HOOK3: variants seen among roughly 807,000 people sequenced by gnomAD.
The protein encoded by HOOK3 is protein Hook homolog 3.
HOOK3 carries 24 observed loss-of-function variants against 116.3 expected under a neutral mutation model. The observed-to-expected ratio is 0.21, with a 90% CI of 0.15 to 0.29. The LOEUF (loss-of-function observed/expected upper bound fraction) is 0.29, where lower values mean the gene tolerates loss of function less well. Ranked by LOEUF, HOOK3 falls within the 10% of genes least tolerant of loss-of-function variation. HOOK3 has a pLI of 1.00. For synonymous variants in HOOK3, 275 were observed against 283.0 expected (o/e 0.97, Z 0.28); for missense variants, 632 against 830.2 (o/e 0.76, Z 2.93).
intron 4 of HOOK3, among the ~76,000 whole-genome samples, chr8:42,935,500 C>T (rs2130371906): frequency 1.3e-5 from 2 of 152,218 alleles, no homozygotes; most frequent in South Asian, 4.2e-4. Flanking sequence ...CCTAGGTTTT[C>T]TTCTAGGGTT....
intron 2 of HOOK3, among the ~76,000 whole-genome samples, chr8:42,906,639 A>G (rs574267171): frequency 1.3e-5 from 2 of 152,312 alleles, no homozygotes; most frequent in East Asian, 3.9e-4. Flanking sequence ...CATATAAAAT[A>G]GCAACGACAA....
At chr8:42,912,709 C>T (rs1451388316) in intron 2 of HOOK3, among the ~76,000 whole-genome samples, 4 of 151,910 alleles carry the variant, frequency 2.6e-5, no homozygotes, top group Non-Finnish European at 5.9e-5. Flanking sequence ...TGCCTTCCCC[C>T]ACCACAATGG....
chr8:43,002,210 C>T (rs1266365721), intron 17 of HOOK3, 69 bp downstream of exon 17: 8 of 1,213,290 alleles, frequency 6.6e-6, no homozygotes, highest in African/African-American at 3.0e-5. Context: ...TAGGTAGTTA[C>T]GGTGTGTCTG....
At chr8:42,908,470 C>T (rs957608592) in intron 2 of HOOK3, among the ~76,000 whole-genome samples, 2 of 152,166 alleles carry the variant, frequency 1.3e-5, no homozygotes, top group Non-Finnish European at 2.9e-5. Flanking sequence ...ACACAATGAC[C>T]AGTGGAACAG....
At chr8:42,991,744 T>A (rs1809164881) in intron 15 of HOOK3, among the ~76,000 whole-genome samples, 1 of 151,998 alleles carries the variant, frequency 6.6e-6, no homozygotes, top group African/African-American at 2.4e-5. Context: ...CTGAGTACTT[T>A]GTTTTTGTTT....
chr8:42,946,238 G>A (rs1004148304), intron 5 of HOOK3, among the ~76,000 whole-genome samples: 7 of 152,312 alleles, frequency 4.6e-5, no homozygotes, highest in African/African-American at 1.7e-4. Flanking sequence ...TGAACGCAGA[G>A]GTGAGTGTTC....
At chr8:42,941,472 C>T (rs1023239429) in intron 4 of HOOK3, among the ~76,000 whole-genome samples, 6 of 144,132 alleles carry the variant, frequency 4.2e-5, no homozygotes, top group African/African-American at 1.3e-4. Flanking sequence ...GAGCCAAGGT[C>T]GCGCCACTGC....
At position 42,897,103 on chromosome 8, in the gene HOOK3, G is replaced by T; in HGVS notation, c.-29G>T. On this transcript the variant is annotated 5_prime_UTR_variant, in exon 1 of 22. Coordinates refer to ENST00000307602, the MANE Select transcript of HOOK3 (RefSeq NM_032410.4). ...AGCGGCGGCGGTGTCTGGCCAGGCG[G>T]TAGGCGCTGCCTGGCCGCGGCGGGG... is the stretch of plus-strand genomic sequence containing the variant. The T allele has an allele frequency of 2.4e-6, 3 of 1,241,458 alleles. No homozygotes were observed. The highest frequency in any genetic ancestry group is 3.0e-6 in the Non-Finnish European group (3 of 988,380). 76.9% of individuals were successfully genotyped at this position (1,241,458 alleles called of 1,614,324 possible).
chr8:42,958,302 C>T (rs759654559), intron 7 of HOOK3, among the ~76,000 whole-genome samples: 12 of 152,006 alleles, frequency 7.9e-5, no homozygotes, highest in Non-Finnish European at 1.6e-4. Flanking sequence ...GCAATTTTAA[C>T]CCAAGCTTTA....
chr8:42,980,599 A>G (rs898670821), intron 13 of HOOK3, among the ~76,000 whole-genome samples: 2 of 152,052 alleles, frequency 1.3e-5, no homozygotes, highest in African/African-American at 4.8e-5. Flanking sequence ...GCTTTATAAG[A>G]AAAAGAGGGC....
intron 6 of HOOK3, among the ~76,000 whole-genome samples, chr8:42,950,907 G>C (rs576901124): frequency 2.4e-4 from 37 of 152,118 alleles, no homozygotes; most frequent in African/African-American, 8.7e-4. Context: ...GAATGGTCTC[G>C]ATCTCCTGAC....
intron 19 of HOOK3, 26 bp downstream of exon 19, chr8:43,010,431 C>A: frequency 2.3e-6 from 2 of 877,070 alleles, no homozygotes; most frequent in South Asian, 3.9e-5. Flanking sequence ...GTAGGCATCT[C>A]ACTCTACCTT....
intron 6 of HOOK3, among the ~76,000 whole-genome samples, chr8:42,956,157 G>A (rs1808429661): frequency 6.6e-6 from 1 of 151,616 alleles, no homozygotes; most frequent in African/African-American, 2.4e-5. Flanking sequence ...CCAGAATTCT[G>A]TTCCCTTCTC....
intron 2 of HOOK3, among the ~76,000 whole-genome samples, chr8:42,911,472 G>A (rs1807428004): frequency 6.6e-6 from 1 of 152,082 alleles, no homozygotes; most frequent in South Asian, 2.1e-4. Flanking sequence ...ATAATCTAAG[G>A]GCTATAAGAA....
chr8:42,898,885 C>T (rs892867169), intron 1 of HOOK3, among the ~76,000 whole-genome samples: 9 of 152,212 alleles, frequency 5.9e-5, no homozygotes, highest in African/African-American at 2.2e-4. Flanking sequence ...GAACACTTAC[C>T]TTAGCCTACA....
intron 5 of HOOK3, among the ~76,000 whole-genome samples, chr8:42,949,785 C>T (rs541787225): frequency 1.2e-4 from 19 of 152,050 alleles, no homozygotes; most frequent in Non-Finnish European, 2.5e-4. Flanking sequence ...GGTGTGGTGG[C>T]GCACGCCTGT....
intron 4 of HOOK3, among the ~76,000 whole-genome samples, chr8:42,932,234 T>G (rs1206478234): frequency 6.6e-6 from 1 of 152,222 alleles, no homozygotes; most frequent in Non-Finnish European, 1.5e-5. Flanking sequence ...GGGTTGGTAT[T>G]AGACACGTTG....
chr8:42,921,395 G>C (rs1807654884), intron 2 of HOOK3, among the ~76,000 whole-genome samples: 1 of 151,950 alleles, frequency 6.6e-6, no homozygotes, highest in Non-Finnish European at 1.5e-5. Context: ...TTTAGGTTAA[G>C]GATCAAAAAT....
rs1283341119 is a variant in HOOK3, at chr8:43,028,439, TGATA to T, written c.*9945_*9948del. On this transcript the variant is annotated 3_prime_UTR_variant, in exon 22 of 22. Coordinates refer to ENST00000307602, the MANE Select transcript of HOOK3 (RefSeq NM_032410.4). ...ATGAATGCTTATTTCAAATAAAGAT[TGATA>T]GATTTAATGATATCCTTCCTTTTAA... 6.5e-5 allele frequency: 12 copies of T among 185,496 alleles called. No individual in the cohort carries two copies. The highest frequency in any genetic ancestry group is 1.2e-4 in the Admixed American group (2 of 16,086). The allele number at this position is 185,496 out of a possible 1,614,324, so 11.5% of individuals were successfully genotyped here.
Sources: gnomAD v4.1 joint callset for allele counts (sites outside exome capture counted in the v4.1 genomes callset) on GRCh38, gnomAD v4.1.1 for gene constraint, MANE v1.5 for transcripts, NCBI Gene and HGNC (gene_info 2026-07-23, HGNC 2026-07-21) for gene names.